Variants in COL5A2 observed in about 807,000 individuals in gnomAD.
COL5A2 encodes the protein collagen type V alpha 2 chain, also known as collagen alpha-2(V) chain.
Under a neutral mutation model 208.2 loss-of-function variants are expected in COL5A2, and 23 were observed. That is an observed-to-expected ratio of 0.11 (90% confidence interval 0.08 to 0.16). COL5A2 has a LOEUF of 0.16. Ranked by LOEUF, COL5A2 falls within the 10% of genes least tolerant of loss-of-function variation. COL5A2 has a pLI of 1.00. For synonymous variants in COL5A2, 625 were observed against 628.5 expected (o/e 0.99, Z 0.08); for missense variants, 1,590 against 1,956.4 (o/e 0.81, Z 3.53).
intron 1 of COL5A2, among the ~76,000 whole-genome samples, chr2:189,115,730 C>T (rs972453243): frequency 6.6e-6 from 1 of 152,186 alleles, no homozygotes; most frequent in African/African-American, 2.4e-5. Context: ...GCAACCTTCA[C>T]ATTTAATGTT....
intron 6 of COL5A2, among the ~76,000 whole-genome samples, chr2:189,094,043 G>A (rs1686847168): frequency 6.6e-6 from 1 of 152,180 alleles, no homozygotes; most frequent in Non-Finnish European, 1.5e-5. Flanking sequence ...GTCAACAGGA[G>A]TGGAGATAAG....
At chr2:189,217,705 T>C (rs1050253175) in intron 1 of COL5A2, among the ~76,000 whole-genome samples, 1 of 152,176 alleles carries the variant, frequency 6.6e-6, no homozygotes, top group East Asian at 1.9e-4. Context: ...GTCATTAGTG[T>C]AGCTGGGGCA....
At chr2:189,182,215 C>T (rs118101308), upstream of COL5A2, among the ~76,000 whole-genome samples, 24 of 152,302 alleles carry the variant, frequency 1.6e-4, no homozygotes, top group East Asian at 4.4e-3. Flanking sequence ...CTCACTGCTG[C>T]AGTGGGGTAC....
At chr2:189,059,622 C>G (rs1162944934) in intron 31 of COL5A2, among the ~76,000 whole-genome samples, 1 of 16,098 alleles carries the variant, frequency 6.2e-5, no homozygotes, top group Non-Finnish European at 2.0e-4. Context: ...GAGACGTTGT[C>G]TCGCTCTATC....
At chr2:189,212,959 G>A (rs932938555) in intron 1 of COL5A2, among the ~76,000 whole-genome samples, 3 of 151,768 alleles carry the variant, frequency 2.0e-5, no homozygotes, top group African/African-American at 4.8e-5. Context: ...CGCGATCTGA[G>A]CTCAATGTAA....
At chr2:189,034,557 C>T (rs1685403291) in intron 53 of COL5A2, among the ~76,000 whole-genome samples, 1 of 151,956 alleles carries the variant, frequency 6.6e-6, no homozygotes, top group Admixed American at 6.6e-5. Flanking sequence ...GACTTACTTA[C>T]AAATTGGTGG....
At chr2:189,204,201 T>A (rs1316800016) in intron 1 of COL5A2, among the ~76,000 whole-genome samples, 1 of 152,190 alleles carries the variant, frequency 6.6e-6, no homozygotes, top group African/African-American at 2.4e-5. Context: ...CCAGCCAGAA[T>A]GAAGCATTTT....
the COL5A2 span, among the ~76,000 whole-genome samples, chr2:189,352,931 T>A: frequency 1.1e-4 from 17 of 152,176 alleles, no homozygotes; most frequent in Non-Finnish European, 2.1e-4. Flanking sequence ...GGTCTTACGT[T>A]TAAGTCTTTA....
the COL5A2 span, among the ~76,000 whole-genome samples, chr2:189,344,973 T>A: frequency 6.6e-6 from 1 of 152,136 alleles, no homozygotes; most frequent in Non-Finnish European, 1.5e-5. Flanking sequence ...CCGCTACTCA[T>A]CACACAAAAA....
At chr2:189,108,084 T>C (rs371399998) in intron 2 of COL5A2, among the ~76,000 whole-genome samples, 2 of 151,762 alleles carry the variant, frequency 1.3e-5, no homozygotes, top group South Asian at 2.1e-4. Flanking sequence ...CTCTAGTTCA[T>C]ACTTTCTTTT....
At chr2:189,405,356 T>C in the COL5A2 span, among the ~76,000 whole-genome samples, 2 of 152,060 alleles carry the variant, frequency 1.3e-5, no homozygotes, top group African/African-American at 2.4e-5. Context: ...CTCAACCTCC[T>C]GAACATCTGG....
the COL5A2 span, among the ~76,000 whole-genome samples, chr2:189,324,362 A>T: frequency 1.3e-5 from 2 of 152,242 alleles, no homozygotes; most frequent in Non-Finnish European, 2.9e-5. Flanking sequence ...AGAAACTACC[A>T]TCAGAGTGAA....
intron 1 of COL5A2, among the ~76,000 whole-genome samples, chr2:189,163,404 TTCTC>T (rs1400576467): frequency 2.0e-5 from 3 of 152,334 alleles, no homozygotes; most frequent in South Asian, 4.1e-4. Context: ...TTTACATATT[TTCTC>T]TCTAATTGGA....
chr2:189,246,585 C>G, the COL5A2 span, among the ~76,000 whole-genome samples: 1 of 152,114 alleles, frequency 6.6e-6, no homozygotes, highest in Non-Finnish European at 1.5e-5. Context: ...AGCTACATAC[C>G]TTGACTATAA....
chr2:189,370,938 T>G, the COL5A2 span, among the ~76,000 whole-genome samples: 1 of 152,146 alleles, frequency 6.6e-6, no homozygotes, highest in African/African-American at 2.4e-5. Context: ...CGTGTTGAAA[T>G]GTAGTCCTCA....
At chr2:189,093,158 T>C (rs898908161) in intron 6 of COL5A2, among the ~76,000 whole-genome samples, 1 of 152,140 alleles carries the variant, frequency 6.6e-6, no homozygotes, top group Non-Finnish European at 1.5e-5. Context: ...CTAACCCACA[T>C]TCTGAAGGCA....
the COL5A2 span, among the ~76,000 whole-genome samples, chr2:189,408,214 C>CA: frequency 6.6e-6 from 1 of 152,090 alleles, no homozygotes; most frequent in African/African-American, 2.4e-5. Context: ...TATATGAATA[C>CA]AAAACTTCAG....
chr2:189,051,200 A>T, intron 42 of COL5A2, 120 bp downstream of exon 42: 1 of 1,261,776 alleles, frequency 7.9e-7, no homozygotes, highest in African/African-American at 1.5e-5. Flanking sequence ...AATGCACTTT[A>T]AAAATTTTAG....
the COL5A2 span, among the ~76,000 whole-genome samples, chr2:189,299,857 C>A: frequency 6.6e-6 from 1 of 151,800 alleles, no homozygotes; most frequent in African/African-American, 2.4e-5. Flanking sequence ...TAGATGAGAC[C>A]CCATGACATC....
Sources: gnomAD v4.1 joint callset for allele counts (sites outside exome capture counted in the v4.1 genomes callset) on GRCh38, gnomAD v4.1.1 for gene constraint, MANE v1.5 for transcripts, NCBI Gene and HGNC (gene_info 2026-07-23, HGNC 2026-07-21) for gene names.